NLGN1: variants seen among roughly 807,000 people sequenced by gnomAD.
The protein encoded by NLGN1 is neuroligin 1.
NLGN1 carries 12 observed loss-of-function variants against 65.5 expected under a neutral mutation model. That is an observed-to-expected ratio of 0.18 (90% CI 0.12 to 0.30). NLGN1 has a LOEUF of 0.30. NLGN1 is among the 10% of genes least tolerant of loss of function. The pLI, the probability that NLGN1 is intolerant of heterozygous loss-of-function variation, is 1.00. For missense variants in NLGN1, 750 were observed against 1,007.1 expected (o/e 0.74, Z 3.46); for synonymous variants, 350 against 359.5 (o/e 0.97, Z 0.30).
chr3:173,691,993 T>C (rs1418430737), intron 3 of NLGN1, among the ~76,000 whole-genome samples: 4 of 152,124 alleles, frequency 2.6e-5, no homozygotes, highest in Admixed American at 2.0e-4. Context: ...TTAATTTTAT[T>C]GCACTAAGGT....
intron 4 of NLGN1, among the ~76,000 whole-genome samples, chr3:173,906,489 A>G (rs1286213659): frequency 6.6e-6 from 1 of 152,166 alleles, no homozygotes; most frequent in Non-Finnish European, 1.5e-5. Flanking sequence ...CCTGCCCTGA[A>G]AAATTCCAGA....
At chr3:173,633,725 G>A (rs1390272264) in intron 3 of NLGN1, among the ~76,000 whole-genome samples, 2 of 152,102 alleles carry the variant, frequency 1.3e-5, no homozygotes, top group African/African-American at 2.4e-5. Flanking sequence ...TTCTGGTGAA[G>A]TCTATTGGGT....
intron 3 of NLGN1, among the ~76,000 whole-genome samples, chr3:173,774,669 A>G (rs772473896): frequency 2.6e-5 from 4 of 151,972 alleles, no homozygotes; most frequent in Non-Finnish European, 5.9e-5. Flanking sequence ...ATTTTTGTTA[A>G]AGATTTCTTT....
At chr3:173,791,948 T>C (rs1712873227) in intron 3 of NLGN1, among the ~76,000 whole-genome samples, 2 of 152,168 alleles carry the variant, frequency 1.3e-5, no homozygotes, top group Admixed American at 1.3e-4. Context: ...ACATGACCAC[T>C]GGATTCCAAG....
intron 2 of NLGN1, among the ~76,000 whole-genome samples, chr3:173,576,793 G>A (rs958158197): frequency 1.3e-5 from 2 of 152,134 alleles, no homozygotes. Flanking sequence ...CATCTGTGGC[G>A]GGGGAGGGTG....
intron 4 of NLGN1, among the ~76,000 whole-genome samples, chr3:174,191,019 G>A (rs116298897): frequency 1.2e-3 from 184 of 152,014 alleles, no homozygotes; most frequent in African/African-American, 3.6e-3. Flanking sequence ...GTGTGTGTGC[G>A]TGTAACTTTC....
chr3:174,121,203 G>C (rs1268077327), intron 4 of NLGN1, among the ~76,000 whole-genome samples: 2 of 152,192 alleles, frequency 1.3e-5, no homozygotes, highest in African/African-American at 2.4e-5. Context: ...CTTTGGACTG[G>C]TAACTAGTGA....
At chr3:173,489,288 A>T (rs1410368993) in intron 2 of NLGN1, among the ~76,000 whole-genome samples, 2 of 151,586 alleles carry the variant, frequency 1.3e-5, no homozygotes, top group Non-Finnish European at 2.9e-5. Flanking sequence ...CCTGTGTCCA[A>T]GTGTTCTCAT....
intron 2 of NLGN1, among the ~76,000 whole-genome samples, chr3:173,496,239 C>T (rs1576975966): frequency 6.6e-6 from 1 of 151,652 alleles, no homozygotes; most frequent in African/African-American, 2.4e-5. Context: ...GTTGTGGCTG[C>T]CATCATGGGC....
chr3:173,880,478 G>A (rs1732999029), intron 4 of NLGN1, among the ~76,000 whole-genome samples: 1 of 151,414 alleles, frequency 6.6e-6, no homozygotes. Context: ...GCAATCAAGT[G>A]ATTCACACAA....
At chr3:174,023,665 C>T (rs1728225116) in intron 4 of NLGN1, among the ~76,000 whole-genome samples, 1 of 152,100 alleles carries the variant, frequency 6.6e-6, no homozygotes, top group South Asian at 2.1e-4. Context: ...TTGCTGCAGT[C>T]TTTGAGTGGT....
At chr3:173,453,233 G>A (rs1454097697) in intron 2 of NLGN1, among the ~76,000 whole-genome samples, 1 of 151,870 alleles carries the variant, frequency 6.6e-6, no homozygotes, top group Non-Finnish European at 1.5e-5. Context: ...GACTACAGGT[G>A]TATACCAATA....
chr3:173,865,552 T>C (rs937231882), intron 4 of NLGN1, among the ~76,000 whole-genome samples: 1 of 152,138 alleles, frequency 6.6e-6, no homozygotes, highest in Non-Finnish European at 1.5e-5. Context: ...ATCTTACGGA[T>C]AAAAACTTGC....
At chr3:173,866,692 ATGT>A (rs1428550657) in intron 4 of NLGN1, among the ~76,000 whole-genome samples, 4 of 152,174 alleles carry the variant, frequency 2.6e-5, no homozygotes, top group African/African-American at 4.8e-5. Context: ...CTCATGGAAG[ATGT>A]TGTGCCTGTG....
chr3:173,655,712 TAA>T (rs1044042207), intron 3 of NLGN1, among the ~76,000 whole-genome samples: 3 of 151,734 alleles, frequency 2.0e-5, no homozygotes, highest in African/African-American at 7.3e-5. Context: ...CAAATGATTT[TAA>T]GATAGCTTTT....
chr3:174,152,864 A>G (rs1272179110), intron 4 of NLGN1, among the ~76,000 whole-genome samples: 1 of 152,152 alleles, frequency 6.6e-6, no homozygotes, highest in East Asian at 1.9e-4. Context: ...GTCATCTATT[A>G]TCTGTTCAGC....
intron 4 of NLGN1, among the ~76,000 whole-genome samples, chr3:174,160,142 CT>C: frequency 6.6e-6 from 1 of 151,578 alleles, no homozygotes; most frequent in Non-Finnish European, 1.5e-5. Context: ...GAAGCCATTA[CT>C]TTTTTACTCT....
At chr3:173,886,007 G>A (rs1412829124) in intron 4 of NLGN1, among the ~76,000 whole-genome samples, 1 of 152,120 alleles carries the variant, frequency 6.6e-6, no homozygotes, top group Admixed American at 6.5e-5. Flanking sequence ...TTATAGGGAT[G>A]TTTGTTTCAA....
At chr3:173,764,814 A>T (rs927508097) in intron 3 of NLGN1, among the ~76,000 whole-genome samples, 6 of 152,050 alleles carry the variant, frequency 3.9e-5, no homozygotes, top group African/African-American at 1.5e-4. Flanking sequence ...ATATATTTAT[A>T]AAAAATCATA....
Sources: allele counts gnomAD v4.1 joint callset (sites outside exome capture counted in the v4.1 genomes callset), GRCh38; gene constraint gnomAD v4.1.1; transcripts MANE v1.5; gene names NCBI Gene and HGNC (gene_info 2026-07-23, HGNC 2026-07-21).